The following KCNIP4 variants were observed in gnomAD, a reference collection of about 807,000 sequenced individuals.
KCNIP4 encodes Kv channel-interacting protein 4.
A neutral mutation model predicts 34.0 loss-of-function variants in KCNIP4; 12 were observed. That is an observed-to-expected ratio of 0.35 (90% CI 0.23 to 0.57). The LOEUF (loss-of-function observed/expected upper bound fraction) is 0.57. Ranked by LOEUF, KCNIP4 falls within the 20% of genes least tolerant of loss-of-function variation. KCNIP4 has a pLI of 0.83. For missense variants in KCNIP4, 238 were observed against 311.7 expected, an observed-to-expected ratio of 0.76 and a Z score of 1.78; for synonymous variants, 124 against 102.2, an observed-to-expected ratio of 1.21 and a Z score of -1.29.
chr4:21,193,591 T>TTTTTTTTA, intron 1 of KCNIP4, among the ~76,000 whole-genome samples: 1 of 147,136 alleles, frequency 6.8e-6, no homozygotes, highest in African/African-American at 2.5e-5. Flanking sequence ...TTTTTTTTTT[T>TTTTTTTTA]GAGACGGAGT....
intron 3 of KCNIP4, among the ~76,000 whole-genome samples, chr4:20,766,385 G>A (rs997059275): frequency 6.6e-6 from 1 of 152,120 alleles, no homozygotes; most frequent in African/African-American, 2.4e-5. Context: ...GGACAACATG[G>A]TGAAACCCTG....
intron 1 of KCNIP4, among the ~76,000 whole-genome samples, chr4:20,951,449 C>T (rs575870452): frequency 3.8e-4 from 58 of 152,130 alleles, no homozygotes; most frequent in African/African-American, 1.2e-3. Context: ...ATAATACTAA[C>T]GAGAAAAAGT....
chr4:21,387,140 T>C (rs575776129), intron 1 of KCNIP4, among the ~76,000 whole-genome samples: 1 of 152,306 alleles, frequency 6.6e-6, no homozygotes, highest in East Asian at 1.9e-4. Flanking sequence ...GAATATCAAT[T>C]GATGCCATTG....
At position 21,072,863 on chromosome 4, in the gene KCNIP4, T is replaced by C. The variant is rs191936118; in HGVS notation, c.62-190154A>G. 3.6e-3 allele frequency among the ~76,000 whole-genome samples: 547 copies of C among 152,328 alleles called. 4 individuals are homozygous for C. The highest frequency in any genetic ancestry group is 0.012 in the African/African-American group (496 of 41,566). On this transcript the variant is annotated intron_variant, in intron 1 of 8. Coordinates refer to ENST00000382152, the MANE Select transcript of KCNIP4 (RefSeq NM_025221.6). ...GGATCCAGTTTCAGTTTTCTCCATA[T>C]GGCTAGCCAGTTTTCCCAGCACCAT...
intron 1 of KCNIP4, among the ~76,000 whole-genome samples, chr4:21,765,403 C>T (rs147704652): frequency 5.9e-5 from 9 of 152,004 alleles, no homozygotes; most frequent in Non-Finnish European, 1.0e-4. Flanking sequence ...TGTGTGTGAG[C>T]GTGTGTAACT....
At chr4:21,009,309 A>C (rs997231974) in intron 1 of KCNIP4, among the ~76,000 whole-genome samples, 5 of 152,212 alleles carry the variant, frequency 3.3e-5, no homozygotes, top group Admixed American at 1.3e-4. Context: ...AAATTTCAGG[A>C]TGGATTTGGA....
At chr4:20,955,943 A>G (rs1733258817) in intron 1 of KCNIP4, among the ~76,000 whole-genome samples, 1 of 152,178 alleles carries the variant, frequency 6.6e-6, no homozygotes, top group South Asian at 2.1e-4. Context: ...GTAAATGGCA[A>G]TTTACATTAT....
At chr4:21,261,782 C>T (rs1277181368) in intron 1 of KCNIP4, among the ~76,000 whole-genome samples, 2 of 152,124 alleles carry the variant, frequency 1.3e-5, no homozygotes, top group African/African-American at 2.4e-5. Flanking sequence ...TTCCCCCACC[C>T]TAGTTAATGC....
At chr4:20,971,108 C>G (rs976781585) in intron 1 of KCNIP4, among the ~76,000 whole-genome samples, 1 of 152,136 alleles carries the variant, frequency 6.6e-6, no homozygotes, top group Non-Finnish European at 1.5e-5. Flanking sequence ...AGCATTCATA[C>G]TTCAAAGAAA....
chr4:21,936,251 C>T (rs1333251253), intron 1 of KCNIP4, among the ~76,000 whole-genome samples: 1 of 151,990 alleles, frequency 6.6e-6, no homozygotes, highest in African/African-American at 2.4e-5. Context: ...GGGCGGTCCC[C>T]CCATACTGTT....
chr4:21,362,212 T>C (rs1719306179), intron 1 of KCNIP4, among the ~76,000 whole-genome samples: 2 of 152,158 alleles, frequency 1.3e-5, no homozygotes, highest in Admixed American at 1.3e-4. Context: ...AGTTTCATAA[T>C]GAAGCTATAT....
At chr4:21,905,309 G>A (rs1365581473) in intron 1 of KCNIP4, among the ~76,000 whole-genome samples, 1 of 152,130 alleles carries the variant, frequency 6.6e-6, no homozygotes, top group Non-Finnish European at 1.5e-5. Context: ...GAAGCAGGCT[G>A]AGCAATGGGA....
chr4:21,232,718 G>A (rs571370821), intron 1 of KCNIP4, among the ~76,000 whole-genome samples: 4 of 152,268 alleles, frequency 2.6e-5, no homozygotes, highest in African/African-American at 4.8e-5. Flanking sequence ...TGTGCAAAGC[G>A]TTAAGAGTTA....
intron 1 of KCNIP4, among the ~76,000 whole-genome samples, chr4:21,478,711 C>A (rs1731190073): frequency 6.6e-6 from 1 of 152,146 alleles, no homozygotes; most frequent in Non-Finnish European, 1.5e-5. Context: ...ACGGGGAATG[C>A]ACTAATGATA....
chr4:20,882,974 A>G (rs1724871035), intron 1 of KCNIP4, among the ~76,000 whole-genome samples: 2 of 151,634 alleles, frequency 1.3e-5, no homozygotes, highest in Admixed American at 1.3e-4. Flanking sequence ...TTGAACGGCA[A>G]AAGATTAAAA....
chr4:21,606,757 C>G (rs1658462635), intron 1 of KCNIP4, among the ~76,000 whole-genome samples: 2 of 152,104 alleles, frequency 1.3e-5, no homozygotes, highest in African/African-American at 4.8e-5. Flanking sequence ...CTACATCCAG[C>G]TAATTTTTGT....
chr4:20,942,513 C>G (rs1401549896), intron 1 of KCNIP4, among the ~76,000 whole-genome samples: 1 of 152,120 alleles, frequency 6.6e-6, no homozygotes, highest in African/African-American at 2.4e-5. Context: ...TGCGTATTAT[C>G]TTCTTTGGTC....
At chr4:20,809,939 A>G (rs1189762645) in intron 3 of KCNIP4, among the ~76,000 whole-genome samples, 2 of 152,170 alleles carry the variant, frequency 1.3e-5, no homozygotes, top group Non-Finnish European at 2.9e-5. Context: ...AGTGCTGACA[A>G]GCATGCTGTT....
intron 1 of KCNIP4, among the ~76,000 whole-genome samples, chr4:21,647,019 T>C (rs987519282): frequency 6.6e-6 from 1 of 152,136 alleles, no homozygotes; most frequent in African/African-American, 2.4e-5. Flanking sequence ...TTTCAGTCTT[T>C]TGTAATTGAA....
Sources: gnomAD v4.1 joint callset for allele counts (sites outside exome capture counted in the v4.1 genomes callset) on GRCh38, gnomAD v4.1.1 for gene constraint, MANE v1.5 for transcripts, NCBI Gene and HGNC (gene_info 2026-07-23, HGNC 2026-07-21) for gene names.